Variants in AK9 observed in about 807,000 individuals in gnomAD.
AK9 encodes adenylate kinase 9.
AK9 carries 191 observed loss-of-function variants against 239.6 expected under a neutral mutation model. That is an observed-to-expected ratio of 0.80 (90% CI 0.71 to 0.90). The LOEUF is 0.90. Ranked by LOEUF, AK9 falls within the 40% of genes least tolerant of loss-of-function variation. AK9 has a pLI of 0.00. For synonymous variants in AK9, 689 were observed against 721.0 expected, an observed-to-expected ratio of 0.96 and a Z score of 0.71; for missense variants, 1,995 against 2,214.7, an observed-to-expected ratio of 0.90 and a Z score of 1.99.
intron 13 of AK9, among the ~76,000 whole-genome samples, chr6:109,617,109 A>G (rs1013596090): frequency 3.9e-5 from 6 of 152,166 alleles, no homozygotes; most frequent in Admixed American, 6.6e-5. Context: ...TAGACAACAC[A>G]TGAAGAAAGC....
intron 24 of AK9, among the ~76,000 whole-genome samples, chr6:109,559,316 T>C (rs527522430): frequency 1.6e-4 from 24 of 152,164 alleles, no homozygotes; most frequent in East Asian, 1.4e-3. Flanking sequence ...TACAGGTGCC[T>C]GCCACCTCGC....
intron 24 of AK9, among the ~76,000 whole-genome samples, chr6:109,559,636 G>A (rs898756811): frequency 2.0e-5 from 3 of 152,032 alleles, no homozygotes; most frequent in African/African-American, 7.3e-5. Context: ...ATTGTCTATT[G>A]CTTACACATA....
chr6:109,626,480 C>A (rs997604709), intron 12 of AK9, among the ~76,000 whole-genome samples: 1 of 152,158 alleles, frequency 6.6e-6, no homozygotes, highest in African/African-American at 2.4e-5. Context: ...TCAGGCAGTT[C>A]AGTTACAGTC....
chr6:109,642,188 CT>C (rs1797534386), intron 9 of AK9, among the ~76,000 whole-genome samples: 1 of 152,162 alleles, frequency 6.6e-6, no homozygotes, highest in African/African-American at 2.4e-5. Flanking sequence ...TGATTTTGGA[CT>C]TTTAGCCTCC....
At chr6:109,627,451 T>A (rs1456403317) in intron 12 of AK9, among the ~76,000 whole-genome samples, 1 of 152,224 alleles carries the variant, frequency 6.6e-6, no homozygotes, top group Non-Finnish European at 1.5e-5. Context: ...TAACTGTACA[T>A]GATTGTATGT....
intron 24 of AK9, among the ~76,000 whole-genome samples, chr6:109,551,265 C>T (rs958871797): frequency 6.6e-6 from 1 of 152,064 alleles, no homozygotes; most frequent in African/African-American, 2.4e-5. Context: ...TGCCTGTAAT[C>T]CCAGCACTTT....
chr6:109,561,473 CT>C (rs1785768244), intron 24 of AK9, among the ~76,000 whole-genome samples: 1 of 151,994 alleles, frequency 6.6e-6, no homozygotes, highest in African/African-American at 2.4e-5. Flanking sequence ...ACCACCATGC[CT>C]GGTTAATTTT....
At position 109,533,461 on chromosome 6, in the gene AK9, A is replaced by C. The variant is rs1466103218; in HGVS notation, c.3360T>G (p.Gly1120=). 6.4e-7 allele frequency: 1 copy of C among 1,573,308 alleles called. No homozygotes were observed. The part of the protein sequence containing the change: ...WWLKEPIRST[G]FILDGFPRYP... Reference sequence around the variant, plus strand: ...ATCGTGGGAAACCATCTAATATAAAACCTGTGGAACTGGTGGAAATTTTCA... The same window carrying C: ...ATCGTGGGAAACCATCTAATATAAACCCTGTGGAACTGGTGGAAATTTTCA... The change falls in exon 28 of 41, where the codon GGT becomes GGG. Residue 1120 remains glycine (G), a synonymous_variant. Transcript: ENST00000424296.
intron 8 of AK9, among the ~76,000 whole-genome samples, chr6:109,652,289 A>G (rs138683124): frequency 0.029 from 4,368 of 152,288 alleles, 100 homozygotes; most frequent in East Asian, 0.11. Context: ...TATAAACAGA[A>G]CCAAAGACAA....
intron 21 of AK9, among the ~76,000 whole-genome samples, chr6:109,565,259 T>G (rs1194047109): frequency 1.3e-5 from 2 of 152,084 alleles, no homozygotes; most frequent in East Asian, 3.9e-4. Flanking sequence ...GGAGAATCAC[T>G]TAAGGCCAGG....
chr6:109,535,852 T>C (rs1459951681), intron 27 of AK9, among the ~76,000 whole-genome samples: 1 of 152,254 alleles, frequency 6.6e-6, no homozygotes, highest in Non-Finnish European at 1.5e-5. Flanking sequence ...GCACCATTTA[T>C]TAAATAGGGA....
intron 37 of AK9, 60 bp from the exon 38 acceptor site, chr6:109,497,623 A>G (rs748806074): frequency 9.5e-6 from 13 of 1,369,998 alleles, no homozygotes; most frequent in African/African-American, 4.4e-5. Flanking sequence ...AGTCCTGTGT[A>G]AATAAAAAGT....
chr6:109,576,985 C>G (rs1039257246), intron 20 of AK9, among the ~76,000 whole-genome samples: 2 of 152,042 alleles, frequency 1.3e-5, no homozygotes, highest in Non-Finnish European at 2.9e-5. Context: ...CACCCGCCAC[C>G]ACGCCCGGCT....
chr6:109,607,867 T>A (rs1015182706), intron 17 of AK9, among the ~76,000 whole-genome samples: 2 of 151,184 alleles, frequency 1.3e-5, no homozygotes, highest in African/African-American at 4.9e-5. Context: ...ATAGCTAAGA[T>A]AATCTTAAAG....
chr6:109,628,812 T>C (rs923709329), intron 12 of AK9, among the ~76,000 whole-genome samples: 3 of 152,210 alleles, frequency 2.0e-5, no homozygotes, highest in Non-Finnish European at 4.4e-5. Flanking sequence ...GCATTGCCTA[T>C]CTTTATCCTT....
chr6:109,552,488 ACATAAATGT>A (rs1321921794), intron 24 of AK9, among the ~76,000 whole-genome samples: 2 of 152,092 alleles, frequency 1.3e-5, no homozygotes, highest in Non-Finnish European at 2.9e-5. Flanking sequence ...TTTGCTGCCC[ACATAAATGT>A]CTTCTTTTGA....
At chr6:109,527,256 A>G (rs760394218) in intron 29 of AK9, among the ~76,000 whole-genome samples, 1 of 152,206 alleles carries the variant, frequency 6.6e-6, no homozygotes, top group Admixed American at 6.5e-5. Context: ...AGTGATTTCT[A>G]ATGTTGGAAA....
Position 109,529,059 on chromosome 6 carries a change from A to G in AK9, c.3585T>C (p.Ala1195=), listed in dbSNP as rs1270064981. ...CTAATATAAGTTCAGCCCTTCTTTT[A>G]GCAATCGTATCAACCTGTTAAAGAA... is the stretch of plus-strand genomic sequence containing the variant. ...MKAKIRVDTI[A]KRRAELILER... Residue 1195 remains alanine (A), a synonymous_variant, in exon 29 of 41, where the codon GCT becomes GCC. Transcript: ENST00000424296. 1.9e-6 allele frequency: 3 copies of G among 1,581,102 alleles called. No individual in the cohort carries two copies. The highest frequency in any genetic ancestry group is 1.7e-4 in the Middle Eastern group (1 of 5,826).
At chr6:109,556,080 T>C (rs1402230020) in intron 24 of AK9, among the ~76,000 whole-genome samples, 1 of 152,226 alleles carries the variant, frequency 6.6e-6, no homozygotes, top group African/African-American at 2.4e-5. Flanking sequence ...TGCACACTAG[T>C]TGATGCAGTT....
Sources: gnomAD v4.1 joint callset for allele counts (sites outside exome capture counted in the v4.1 genomes callset) on GRCh38, gnomAD v4.1.1 for gene constraint, MANE v1.5 for transcripts, NCBI Gene and HGNC (gene_info 2026-07-23, HGNC 2026-07-21) for gene names.